ZNF208: variants seen among roughly 807,000 people sequenced by gnomAD.
The protein encoded by ZNF208 is zinc finger protein 208.
A neutral mutation model predicts 12.1 loss-of-function variants in ZNF208; 10 were observed. That is an observed-to-expected ratio of 0.83 (90% CI 0.51 to 1.40). ZNF208 has a LOEUF of 1.40. ZNF208 is among the 40% of genes most tolerant of loss of function. ZNF208 has a pLI of 0.00. For synonymous variants in ZNF208, 497 were observed against 488.4 expected (o/e 1.02, Z -0.23); for missense variants, 1,652 against 1,485.0 (o/e 1.11, Z -1.85).
intron 1 of ZNF208, among the ~76,000 whole-genome samples, chr19:21,994,578 T>G (rs1970796660): frequency 6.6e-6 from 1 of 152,148 alleles, no homozygotes; most frequent in South Asian, 2.1e-4. Flanking sequence ...TTAAGTAAAC[T>G]TAAATCCGAG....
chr19:22,009,950 C>T (rs960700579), intron 1 of ZNF208, among the ~76,000 whole-genome samples: 4 of 152,090 alleles, frequency 2.6e-5, no homozygotes, highest in African/African-American at 9.7e-5. Context: ...TTTTGGGATG[C>T]CGAGGCGGGC....
chr19:21,951,314 G>C (rs555095925), intron 4 of ZNF208, among the ~76,000 whole-genome samples: 2 of 152,058 alleles, frequency 1.3e-5, no homozygotes, highest in Non-Finnish European at 2.9e-5. Flanking sequence ...ATTACAAAAA[G>C]TTACCATTAT....
intron 3 of ZNF208, among the ~76,000 whole-genome samples, chr19:21,975,872 C>T (rs1051480833): frequency 1.1e-4 from 13 of 114,850 alleles, no homozygotes; most frequent in African/African-American, 4.5e-4. Flanking sequence ...GAGAATAATA[C>T]CATCAGCAAC....
chr19:21,979,837 A>G (rs1970504135), intron 3 of ZNF208, among the ~76,000 whole-genome samples: 1 of 152,196 alleles, frequency 6.6e-6, no homozygotes, highest in African/African-American at 2.4e-5. Context: ...AATCCATCTC[A>G]CGTGCAAAGA....
intron 3 of ZNF208, among the ~76,000 whole-genome samples, chr19:21,978,277 A>T (rs1970470695): frequency 6.6e-6 from 1 of 152,154 alleles, no homozygotes; most frequent in Non-Finnish European, 1.5e-5. Context: ...TCTCCTGATT[A>T]AGAGACACCT....
At position 21,971,342 on chromosome 19, in the gene ZNF208, C is replaced by T. The variant is rs763775354; in HGVS notation, c.3692G>A (p.Gly1231Asp). 1.2e-6 allele frequency: 2 copies of T among 1,610,836 alleles called. No homozygotes were observed. The highest frequency in any genetic ancestry group is 1.1e-5 in the South Asian group (1 of 91,016). ...GEKPYKCEEC[G>D]KAFSTFSILT... ...GATTGAGAACGTACTAAAGGCTTTGCCACATTCTTCACATTTGTAGGGTTT... is the reference window on the plus strand; with the variant it reads ...GATTGAGAACGTACTAAAGGCTTTGTCACATTCTTCACATTTGTAGGGTTT... Residue 1231 changes from glycine (G) to aspartate (D), a missense_variant, in exon 4 of 4, where the codon GGC becomes GAC. Gly to Asp is a moderately conservative substitution (Grantham distance 94). Transcript: ENST00000397126.
intron 4 of ZNF208, among the ~76,000 whole-genome samples, chr19:21,956,650 T>C (rs909266103): frequency 6.6e-6 from 1 of 152,134 alleles, no homozygotes; most frequent in Admixed American, 6.6e-5. Context: ...GTACTGGATA[T>C]AATCTCCTGG....
chr19:22,005,840 A>G (rs1242053929), intron 1 of ZNF208, among the ~76,000 whole-genome samples: 1 of 152,214 alleles, frequency 6.6e-6, no homozygotes, highest in Non-Finnish European at 1.5e-5. Context: ...GCATATAGAT[A>G]ATAAATAGCC....
chr19:21,998,128 ATTTTT>A (rs369478743), intron 1 of ZNF208: 1 of 92,486 alleles, frequency 1.1e-5, no homozygotes, highest in Non-Finnish European at 2.1e-5. Flanking sequence ...AAAAAAAAAA[ATTTTT>A]TTTTTTTGAG....
rs754259797 is a variant in ZNF208 at position 21,971,456 on chromosome 19, C to T, written c.3578G>A (p.Gly1193Glu). 2.5e-6 allele frequency: 4 copies of T among 1,611,060 alleles called. No individual in the cohort carries two copies. The highest frequency in any genetic ancestry group is 1.3e-5 in the African/African-American group (1 of 74,882). Residue 1193 changes from glycine to glutamate, a missense_variant, in exon 4 of 4, where the codon GGA becomes GAA. By Grantham distance (98) the Gly-to-Glu change is moderately conservative. Transcript: ENST00000397126. Reference protein sequence around the residue: ...ILAKHKVIHTGEKLYKCEECG... With the variant: ...ILAKHKVIHTEEKLYKCEECG... ...TTCTTCACATTTGTAGAGTTTCTCT[C>T]CAGTATGAATTACCTTATGTTTTGC...
At position 21,972,209 on chromosome 19, in the gene ZNF208, T is replaced by G. The variant is rs1405467291; in HGVS notation, c.2825A>C (p.Glu942Ala). Reference protein sequence around the residue: ...FSKHKKTHAGEKFYKCEACGK... With the variant: ...FSKHKKTHAGAKFYKCEACGK... ...ACATGCTTCACATTTGTAGAATTTC[T>G]CTCCAGCATGAGTTTTCTTATGTTT... Residue 942 changes from glutamate to alanine, a missense_variant, in exon 4 of 4, where the codon GAG becomes GCG. Around this residue, in one of 3 missense-constraint regions of ZNF208, gnomAD observed 1,239 missense variants for 1,086.2 expected, o/e 1.14. Transcript: ENST00000397126. 4.3e-6 allele frequency: 7 copies of G among 1,613,374 alleles called. No homozygotes were observed. Among genetic ancestry groups the G allele is most frequent in the Non-Finnish European group, 5.9e-6 (7 of 1,179,814 alleles).
At chr19:21,974,836 C>G (rs774871352) in intron 3 of ZNF208, 29 bp from the exon 4 acceptor site, 3 of 1,499,128 alleles carry the variant, frequency 2.0e-6, no homozygotes, top group Admixed American at 5.0e-5. Context: ...CACAAATTAG[C>G]CTACTTATTA....
chr19:21,957,384 G>T (rs1188117617), intron 4 of ZNF208, among the ~76,000 whole-genome samples: 1 of 152,146 alleles, frequency 6.6e-6, no homozygotes, highest in Non-Finnish European at 1.5e-5. Context: ...AAAAACGCTA[G>T]TTCTTTTACC....
intron 4 of ZNF208, among the ~76,000 whole-genome samples, chr19:21,958,831 A>G (rs563972906): frequency 2.6e-5 from 4 of 152,178 alleles, no homozygotes; most frequent in African/African-American, 9.6e-5. Flanking sequence ...TCCTGAGAGG[A>G]GACTGAGAGG....
intron 3 of ZNF208, among the ~76,000 whole-genome samples, chr19:21,978,228 G>A (rs1435955885): frequency 1.3e-5 from 2 of 152,140 alleles, no homozygotes; most frequent in Non-Finnish European, 2.9e-5. Context: ...CTCTGCTAAG[G>A]GTCAGACTGC....
At chr19:21,946,625 A>G (rs1375277279) in intron 4 of ZNF208, among the ~76,000 whole-genome samples, 1 of 152,228 alleles carries the variant, frequency 6.6e-6, no homozygotes, top group African/African-American at 2.4e-5. Flanking sequence ...TGATAAAACT[A>G]TAACATATTT....
intron 4 of ZNF208, among the ~76,000 whole-genome samples, chr19:21,946,293 C>G (rs193116238): frequency 1.1e-4 from 17 of 152,256 alleles, no homozygotes; most frequent in East Asian, 3.9e-4. Context: ...ACATGAGCAG[C>G]CTTTATGGAT....
At chr19:21,948,339 CTG>C (rs1384717282) in intron 4 of ZNF208, among the ~76,000 whole-genome samples, 2 of 152,182 alleles carry the variant, frequency 1.3e-5, no homozygotes, top group Non-Finnish European at 2.9e-5. Flanking sequence ...TTTCTTTGCC[CTG>C]TGAGACAACC....
At chr19:21,975,618 C>T (rs1970415070) in intron 3 of ZNF208, among the ~76,000 whole-genome samples, 1 of 151,820 alleles carries the variant, frequency 6.6e-6, no homozygotes, top group South Asian at 2.1e-4. Flanking sequence ...AATATAATTC[C>T]ATCAAAAATA....
Sources: allele counts gnomAD v4.1 joint callset (sites outside exome capture counted in the v4.1 genomes callset), GRCh38; gene constraint gnomAD v4.1.1; regional missense constraint gnomAD v4.1.1; transcripts MANE v1.5; gene names NCBI Gene and HGNC (gene_info 2026-07-23, HGNC 2026-07-21).